Variants in CCDC7 observed in about 807,000 individuals in gnomAD.
CCDC7 encodes the protein coiled-coil domain-containing protein 7.
Under a neutral mutation model 196.9 loss-of-function variants are expected in CCDC7, and 183 were observed. That is an observed-to-expected ratio of 0.93 (90% CI 0.82 to 1.05). CCDC7 has a LOEUF of 1.05. Among genes scored for constraint, CCDC7 ranks in the 50% least tolerant of loss-of-function variants. The pLI, the probability that CCDC7 is intolerant of heterozygous loss-of-function variation, is 0.00. For missense variants in CCDC7, 1,540 were observed against 1,482.2 expected, an observed-to-expected ratio of 1.04 and a Z score of -0.64; for synonymous variants, 525 against 484.6, an observed-to-expected ratio of 1.08 and a Z score of -1.10.
chr10:32,641,481 A>G (rs2066792997), intron 20 of CCDC7, among the ~76,000 whole-genome samples: 1 of 152,118 alleles, frequency 6.6e-6, no homozygotes, highest in Non-Finnish European at 1.5e-5. Context: ...CGTAGTTCTC[A>G]TGCCTTGGTT....
At chr10:32,732,434 G>A (rs535755208) in intron 28 of CCDC7, among the ~76,000 whole-genome samples, 63 of 152,156 alleles carry the variant, frequency 4.1e-4, no homozygotes, top group African/African-American at 1.3e-3. Flanking sequence ...CTCCATTGTC[G>A]TTGATTAATC....
chr10:32,756,628 G>A (rs1337545453), intron 28 of CCDC7, among the ~76,000 whole-genome samples: 1 of 152,176 alleles, frequency 6.6e-6, no homozygotes, highest in African/African-American at 2.4e-5. Context: ...GGAACAACTG[G>A]TACCAGCCAC....
At chr10:32,602,451 T>A (rs1425374500) in intron 18 of CCDC7, among the ~76,000 whole-genome samples, 1 of 152,166 alleles carries the variant, frequency 6.6e-6, no homozygotes, top group Non-Finnish European at 1.5e-5. Context: ...TTCTCATAGT[T>A]TTTGCTTGTG....
chr10:32,854,288 A>G, intron 40 of CCDC7, 112 bp from the exon 42 acceptor site: 1 of 660,226 alleles, frequency 1.5e-6, no homozygotes, highest in Admixed American at 3.2e-5. Flanking sequence ...ATTACTGAAA[A>G]AAAGTTGTAA....
intron 18 of CCDC7, among the ~76,000 whole-genome samples, chr10:32,631,075 A>G (rs2064794436): frequency 2.6e-5 from 4 of 152,208 alleles, no homozygotes; most frequent in African/African-American, 2.4e-5. Context: ...TCTCTGGTTA[A>G]CAGCTTTAGC....
intron 9 of CCDC7, among the ~76,000 whole-genome samples, chr10:32,505,414 T>C (rs936409988): frequency 2.6e-5 from 4 of 152,066 alleles, no homozygotes; most frequent in Admixed American, 6.5e-5. Context: ...AGCATCTGTT[T>C]AACAAAGCAC....
chr10:32,805,530 GTAA>G (rs1293065008), intron 30 of CCDC7, among the ~76,000 whole-genome samples: 9 of 152,248 alleles, frequency 5.9e-5, no homozygotes, highest in Non-Finnish European at 2.9e-5. Flanking sequence ...GTCAGGCATG[GTAA>G]TAATCTCTCA....
chr10:32,762,981 A>G (rs1286392230), intron 28 of CCDC7, among the ~76,000 whole-genome samples: 1 of 151,950 alleles, frequency 6.6e-6, no homozygotes, highest in Non-Finnish European at 1.5e-5. Context: ...CACCAAGAGC[A>G]CAGGACACAA....
intron 1 of CCDC7, among the ~76,000 whole-genome samples, chr10:32,452,191 T>C (rs1228168889): frequency 6.6e-6 from 1 of 152,210 alleles, no homozygotes; most frequent in African/African-American, 2.4e-5. Context: ...CATTAGAAAC[T>C]CAGTGCCCTG....
intron 9 of CCDC7, among the ~76,000 whole-genome samples, chr10:32,503,057 T>C (rs1284376709): frequency 6.6e-6 from 1 of 152,202 alleles, no homozygotes; most frequent in Non-Finnish European, 1.5e-5. Context: ...GGGACATCTT[T>C]AGAGTTTTCT....
At chr10:32,757,281 G>T (rs756226576) in intron 28 of CCDC7, among the ~76,000 whole-genome samples, 1 of 151,998 alleles carries the variant, frequency 6.6e-6, no homozygotes, top group Non-Finnish European at 1.5e-5. Context: ...ATCTCCCCCC[G>T]AAATCAACAG....
intron 41 of CCDC7, among the ~76,000 whole-genome samples, chr10:32,861,819 T>G (rs926477132): frequency 2.6e-5 from 4 of 152,096 alleles, no homozygotes; most frequent in African/African-American, 9.7e-5. Context: ...GAAAAAAAGA[T>G]CATCATCACT....
chr10:32,690,742 C>T (rs964754197), intron 23 of CCDC7, among the ~76,000 whole-genome samples: 43 of 152,214 alleles, frequency 2.8e-4, no homozygotes, highest in African/African-American at 9.9e-4. Context: ...TTACATTCTT[C>T]CATATGCCCC....
intron 24 of CCDC7, among the ~76,000 whole-genome samples, chr10:32,707,338 T>C (rs11527560): frequency 0.14 from 21,067 of 152,152 alleles, 1,761 homozygotes; most frequent in East Asian, 0.25. Context: ...GTAAGAGCTC[T>C]CTATGACAAA....
chr10:32,816,912 TC>T (rs1412822115), intron 31 of CCDC7, among the ~76,000 whole-genome samples: 142 of 151,584 alleles, frequency 9.4e-4, no homozygotes, highest in African/African-American at 3.2e-3. Flanking sequence ...AAACAGAAAC[TC>T]TAAAAATCAG....
chr10:32,516,660 A>G (rs1469615618), intron 9 of CCDC7, among the ~76,000 whole-genome samples: 1 of 152,194 alleles, frequency 6.6e-6, no homozygotes, highest in East Asian at 1.9e-4. Context: ...GCTATATTCA[A>G]ATAGACAACG....
intron 28 of CCDC7, among the ~76,000 whole-genome samples, chr10:32,777,328 A>G (rs879743744): frequency 2.2e-4 from 33 of 152,304 alleles, no homozygotes; most frequent in Admixed American, 9.2e-4. Flanking sequence ...TATGAATGGC[A>G]CTGTGGTGAA....
At chr10:32,642,896 TAGA>T (rs911774354) in intron 20 of CCDC7, among the ~76,000 whole-genome samples, 4 of 152,192 alleles carry the variant, frequency 2.6e-5, no homozygotes, top group Non-Finnish European at 5.9e-5. Flanking sequence ...TTAGAACTGT[TAGA>T]AGAAAAAGAC....
At chr10:32,837,329 C>T (rs1158287865) in intron 33 of CCDC7, among the ~76,000 whole-genome samples, 5 of 152,106 alleles carry the variant, frequency 3.3e-5, no homozygotes, top group Non-Finnish European at 5.9e-5. Context: ...AAAAAATGCT[C>T]ATCATCACTG....
Sources: gnomAD v4.1 joint callset for allele counts (sites outside exome capture counted in the v4.1 genomes callset) on GRCh38, gnomAD v4.1.1 for gene constraint, MANE v1.5 for transcripts, NCBI Gene and HGNC (gene_info 2026-07-23, HGNC 2026-07-21) for gene names.